STMN4: variants seen among roughly 807,000 people sequenced by gnomAD.
The protein encoded by STMN4 is stathmin-4.
STMN4 carries 12 observed loss-of-function variants against 29.1 expected under a neutral mutation model. The observed-to-expected ratio is 0.41, with a 90% CI of 0.26 to 0.67. The LOEUF is 0.67. STMN4 is among the 30% of genes least tolerant of loss of function. STMN4 has a pLI of 0.30. For synonymous variants in STMN4, 114 were observed against 105.3 expected, an observed-to-expected ratio of 1.08 and a Z score of -0.51; for missense variants, 181 against 262.8, an observed-to-expected ratio of 0.69 and a Z score of 2.15.
At chr8:27,242,361 C>G in intron 3 of STMN4, 36 bp downstream of exon 3, 1 of 1,603,158 alleles carries the variant, frequency 6.2e-7, no homozygotes, top group East Asian at 2.2e-5. Flanking sequence ...ACAGGGCCCC[C>G]CCGCCCCTCA....
chr8:27,247,310 C>T (rs1801654590), intron 1 of STMN4, among the ~76,000 whole-genome samples: 1 of 151,050 alleles, frequency 6.6e-6, no homozygotes, highest in South Asian at 2.1e-4. Context: ...GTCCATAGGG[C>T]CCTTATAAAT....
Position 27,236,663 on chromosome 8 carries a change from T to C in STMN4, c.*183A>G. The C allele has an allele frequency of 6.3e-6, 3 of 473,778 alleles. No individual in the cohort carries two copies. The highest frequency in any genetic ancestry group is 3.6e-5 in the East Asian group (1 of 27,890). 29.3% of individuals were successfully genotyped at this position (473,778 alleles called of 1,614,324 possible). A position where few individuals can be genotyped will look rare whatever the true frequency, so the allele number is the denominator to read the frequency against. On this transcript the variant is annotated 3_prime_UTR_variant, in exon 7 of 7. Coordinates refer to ENST00000350889, the MANE Select transcript of STMN4 (RefSeq NM_030795.4). ...CCCGTCATTGTTCCCCGGAAACAAA[T>C]AGGATGGCTTCACTGGTCAATTCTT...
At position 27,236,792 on chromosome 8, in the gene STMN4, G is replaced by C; in HGVS notation, c.*54C>G. Reference sequence around the variant, plus strand: ...GCCGGCGGGCGAGGCTGCCTGGAACGTGGAGCTGCTGGAGCTGTCCGGCTG... The same window carrying C: ...GCCGGCGGGCGAGGCTGCCTGGAACCTGGAGCTGCTGGAGCTGTCCGGCTG... On this transcript the variant is annotated 3_prime_UTR_variant, in exon 7 of 7. Coordinates refer to ENST00000350889, the MANE Select transcript of STMN4 (RefSeq NM_030795.4). The C allele has an allele frequency of 6.7e-7, 1 of 1,498,622 alleles. No individual in the cohort carries two copies. The highest frequency in any genetic ancestry group is 8.9e-7 in the Non-Finnish European group (1 of 1,120,380). The allele number at this position is 1,498,622 out of a possible 1,614,324, so 92.8% of individuals were successfully genotyped here. A position where few individuals can be genotyped will look rare whatever the true frequency, so the allele number is the denominator to read the frequency against.
intron 1 of STMN4, among the ~76,000 whole-genome samples, chr8:27,245,904 G>T (rs1801611183): frequency 6.6e-6 from 1 of 152,222 alleles, no homozygotes; most frequent in Admixed American, 6.5e-5. Context: ...GTCTAACTTT[G>T]CATGAAGCTG....
chr8:27,245,711 G>T (rs867906704), intron 1 of STMN4, among the ~76,000 whole-genome samples: 1 of 152,228 alleles, frequency 6.6e-6, no homozygotes. Flanking sequence ...ACTTCTACCT[G>T]GGGAAAGGAT....
In STMN4 at chr8:27,241,663, T is replaced by C. The variant is rs375481658; in HGVS notation, c.190+14A>G. 1.4e-5 allele frequency: 23 copies of C among 1,613,944 alleles called. No individual in the cohort carries two copies. In the African/African-American group the frequency reaches 2.8e-4, roughly 20 times the overall value. ...CGCTCGGCCTGCGGAATCCCTCCGCTGCCTCCCTCCTACCCTGAGCTCTTC... is the reference window on the plus strand; with the variant it reads ...CGCTCGGCCTGCGGAATCCCTCCGCCGCCTCCCTCCTACCCTGAGCTCTTC... On this transcript the variant is annotated intron_variant, in intron 4 of 6. Transcript: ENST00000350889.
rs188081508 is a variant in STMN4 at position 27,245,988 on chromosome 8, G to A, written c.-78-2187C>T. ...ACCTGGGGTTTGGAGAAGTTCAGAC[G>A]CTTGCTTAAGGTCACACAGCTCTAA... On this transcript the variant is annotated intron_variant, in intron 1 of 6. Coordinates refer to ENST00000350889, the MANE Select transcript of STMN4 (RefSeq NM_030795.4). Among the ~76,000 whole-genome samples the A allele has an allele frequency of 3.3e-4, 51 of 152,242 alleles. 1 individual carries two copies. In the East Asian group the frequency reaches 5.6e-3, roughly 17 times the overall value.
At chr8:27,241,586 C>T in intron 4 of STMN4, 91 bp downstream of exon 4, 1 of 1,466,786 alleles carries the variant, frequency 6.8e-7, no homozygotes, top group Non-Finnish European at 9.5e-7. Flanking sequence ...TCCGTGGTGA[C>T]AGGCAGGGGT....
intron 1 of STMN4, among the ~76,000 whole-genome samples, chr8:27,244,810 A>G (rs972122804): frequency 2.6e-5 from 4 of 152,146 alleles, no homozygotes; most frequent in Non-Finnish European, 5.9e-5. Context: ...GGAGGATCAG[A>G]GGGGTGGAGG....
intron 1 of STMN4, among the ~76,000 whole-genome samples, chr8:27,255,075 A>T (rs749456553): frequency 1.2e-4 from 18 of 151,872 alleles, no homozygotes; most frequent in Non-Finnish European, 1.9e-4. Flanking sequence ...AAAAAAAAAC[A>T]ATTTTTAAAT....
chr8:27,253,886 G>A (rs903297903), intron 1 of STMN4, among the ~76,000 whole-genome samples: 3 of 151,998 alleles, frequency 2.0e-5, no homozygotes, highest in South Asian at 2.1e-4. Flanking sequence ...GGGTTCAAGC[G>A]ATTCTCCTGC....
At chr8:27,241,575 G>C in intron 4 of STMN4, 102 bp downstream of exon 4, 1 of 1,387,870 alleles carries the variant, frequency 7.2e-7, no homozygotes, top group Non-Finnish European at 1.0e-6. Context: ...TCAATTTGTC[G>C]TCCGTGGTGA....
chr8:27,255,195 A>G (rs1403977289), intron 1 of STMN4, among the ~76,000 whole-genome samples: 1 of 152,160 alleles, frequency 6.6e-6, no homozygotes, highest in Non-Finnish European at 1.5e-5. Context: ...TAATAAGCAA[A>G]TCGAATTATA....
At chr8:27,246,111 G>A (rs944874269) in intron 1 of STMN4, among the ~76,000 whole-genome samples, 1 of 152,150 alleles carries the variant, frequency 6.6e-6, no homozygotes, top group African/African-American at 2.4e-5. Context: ...CTTTCTCTAT[G>A]GTCCTGAGGA....
At chr8:27,257,820 G>A (rs1801986625) in intron 1 of STMN4, among the ~76,000 whole-genome samples, 1 of 152,174 alleles carries the variant, frequency 6.6e-6, no homozygotes, top group Admixed American at 6.5e-5. Context: ...GTGGGGCGGG[G>A]CCAAGAGGAG....
chr8:27,252,883 C>A (rs1201955128), intron 1 of STMN4, among the ~76,000 whole-genome samples: 1 of 152,234 alleles, frequency 6.6e-6, no homozygotes, highest in Non-Finnish European at 1.5e-5. Flanking sequence ...TCTATGGGTG[C>A]ATTCCATGCT....
At chr8:27,240,703 A>T (rs753096861) in intron 5 of STMN4, among the ~76,000 whole-genome samples, 7 of 152,126 alleles carry the variant, frequency 4.6e-5, no homozygotes, top group Non-Finnish European at 1.0e-4. Flanking sequence ...CTACACCATG[A>T]TCTTCTCTCC....
chr8:27,242,523 C>A (rs1322015115), intron 2 of STMN4, 31 bp from the exon 3 acceptor site: 3 of 1,605,002 alleles, frequency 1.9e-6, no homozygotes, highest in African/African-American at 1.3e-5. Context: ...GTGAGGATGG[C>A]GCCTCTCCTA....
chr8:27,238,831 C>T (rs1051770955), intron 6 of STMN4, among the ~76,000 whole-genome samples: 15 of 152,194 alleles, frequency 9.9e-5, no homozygotes, highest in African/African-American at 2.7e-4. Flanking sequence ...AGGATAGTGG[C>T]GAGAGGAAAT....
Sources: allele counts gnomAD v4.1 joint callset (sites outside exome capture counted in the v4.1 genomes callset), GRCh38; gene constraint gnomAD v4.1.1; transcripts MANE v1.5; gene names NCBI Gene and HGNC (gene_info 2026-07-23, HGNC 2026-07-21).